Variants in KLF8 observed in about 807,000 individuals in gnomAD.
KLF8 encodes Krueppel-like factor 8.
KLF8 carries 10 observed loss-of-function variants against 18.2 expected under a neutral mutation model. The observed-to-expected ratio is 0.55, with a 90% confidence interval of 0.34 to 0.93. The LOEUF (loss-of-function observed/expected upper bound fraction) is 0.93, where lower values mean the gene tolerates loss of function less well. KLF8 is among the 40% of genes least tolerant of loss of function. The pLI is 0.02. For missense variants in KLF8, 264 were observed against 277.9 expected (o/e 0.95, Z 0.36); for synonymous variants, 109 against 97.3 (o/e 1.12, Z -0.71).
At chrX:56,202,201 A>G in the KLF8 span, among the ~76,000 whole-genome samples, 1 of 105,965 alleles carries the variant, frequency 9.4e-6, no homozygotes, top group South Asian at 4.1e-4. Flanking sequence ...TTGAGACCCT[A>G]CCTTTTTTTT....
At chrX:56,129,744 TTCTC>T in the KLF8 span, among the ~76,000 whole-genome samples, 13,720 of 111,152 alleles carry the variant, frequency 0.12, 1,526 homozygotes, top group African/African-American at 0.36. Context: ...CATGCTTTCT[TTCTC>T]AGCTGGCAGG....
chrX:56,024,578 C>G, the KLF8 span, among the ~76,000 whole-genome samples: 2 of 111,384 alleles, frequency 1.8e-5, no homozygotes, highest in African/African-American at 6.5e-5. Flanking sequence ...CCTGAGTGCA[C>G]AATTTCTGTC....
the KLF8 span, among the ~76,000 whole-genome samples, chrX:56,087,949 G>A: frequency 9.1e-6 from 1 of 110,069 alleles, no homozygotes; most frequent in Non-Finnish European, 1.9e-5. Flanking sequence ...TTCATCAGAT[G>A]TTGGATGAAG....
chrX:56,269,427 T>C lies in KLF8; in HGVS notation c.696T>C (p.Ser232=). The change falls in exon 4 of 6, where the codon AGT becomes AGC. Residue 232 remains serine (S), a synonymous_variant. Transcript: ENST00000468660. ...SMSPLEIPSD[S]EESTIESGSS... is the part of the protein sequence containing the mutation. ...CTCCACTGGAAATTCCAAGTGACAG[T>C]GAGGAGAGTACAATTGAGAGTGGAT... 1 of 1,209,232 alleles carries C rather than the reference T, an allele frequency of 8.3e-7. No homozygotes were observed. The highest frequency in any genetic ancestry group is 1.1e-6 in the Non-Finnish European group (1 of 894,505).
the KLF8 span, among the ~76,000 whole-genome samples, chrX:56,125,172 T>A: frequency 8.9e-6 from 1 of 111,999 alleles, no homozygotes; most frequent in Non-Finnish European, 1.9e-5. Flanking sequence ...AGAACAGATG[T>A]AGCAGACATG....
chrX:55,958,860 A>G, the KLF8 span, among the ~76,000 whole-genome samples: 4 of 112,457 alleles, frequency 3.6e-5, no homozygotes, highest in African/African-American at 1.3e-4. Flanking sequence ...CTTCTGGTGC[A>G]TGCATCAGGC....
chrX:56,051,131 C>G, the KLF8 span, among the ~76,000 whole-genome samples: 1 of 111,125 alleles, frequency 9.0e-6, no homozygotes, highest in African/African-American at 3.3e-5. Flanking sequence ...GTAGATCTTC[C>G]TCCATCCTTT....
At chrX:56,046,074 A>T in the KLF8 span, among the ~76,000 whole-genome samples, 1 of 65,322 alleles carries the variant, frequency 1.5e-5, no homozygotes, top group African/African-American at 3.4e-5. Flanking sequence ...GGATTTTGTC[A>T]CATGTTTTTT....
the KLF8 span, among the ~76,000 whole-genome samples, chrX:56,000,102 T>C: frequency 1.8e-5 from 2 of 111,991 alleles, no homozygotes; most frequent in Admixed American, 9.5e-5. Context: ...AGGATGATCA[T>C]AGGCTTTTTG....
At chrX:56,135,876 G>A in the KLF8 span, among the ~76,000 whole-genome samples, 1 of 111,289 alleles carries the variant, frequency 9.0e-6, no homozygotes, top group African/African-American at 3.3e-5. Flanking sequence ...TAAGAGGAAT[G>A]TTTATACCAC....
chrX:55,992,601 A>T, the KLF8 span, among the ~76,000 whole-genome samples: 1 of 112,242 alleles, frequency 8.9e-6, no homozygotes, highest in Admixed American at 9.4e-5. Flanking sequence ...GTTCCATATG[A>T]ATTATAGAAT....
At chrX:56,010,245 C>G in the KLF8 span, among the ~76,000 whole-genome samples, 1 of 111,878 alleles carries the variant, frequency 8.9e-6, no homozygotes, top group Non-Finnish European at 1.9e-5. Context: ...GGAAGCCCAT[C>G]AGATTAAAGG....
the KLF8 span, among the ~76,000 whole-genome samples, chrX:56,094,375 T>G: frequency 9.0e-6 from 1 of 111,331 alleles, no homozygotes; most frequent in African/African-American, 3.2e-5. Context: ...AAGACATGCA[T>G]TATATAATGA....
At chrX:55,928,211 G>C in the KLF8 span, among the ~76,000 whole-genome samples, 2 of 111,587 alleles carry the variant, frequency 1.8e-5, no homozygotes, top group Non-Finnish European at 3.8e-5. Context: ...TGGATTTTGG[G>C]TGAGAATACC....
the KLF8 span, among the ~76,000 whole-genome samples, chrX:55,949,986 A>G: frequency 9.0e-6 from 1 of 111,150 alleles, no homozygotes; most frequent in Non-Finnish European, 1.9e-5. Context: ...TAATATGCCA[A>G]TTATTATTAT....
the KLF8 span, among the ~76,000 whole-genome samples, chrX:56,149,080 G>T: frequency 8.9e-6 from 1 of 112,089 alleles, no homozygotes; most frequent in Non-Finnish European, 1.9e-5. Context: ...AATAGAAGCA[G>T]AAAGACCAGT....
At chrX:56,280,758 A>G (rs1335827677) in intron 5 of KLF8, among the ~76,000 whole-genome samples, 1 of 112,165 alleles carries the variant, frequency 8.9e-6, no homozygotes, top group Non-Finnish European at 1.9e-5. Flanking sequence ...TCCAGCATAT[A>G]GTGAATACTC....
chrX:55,929,912 T>C, the KLF8 span, among the ~76,000 whole-genome samples: 3 of 110,283 alleles, frequency 2.7e-5, no homozygotes, highest in African/African-American at 9.9e-5. Context: ...TTTTTAATTC[T>C]GTGAAGAAAG....
At chrX:56,230,580 T>C (rs183807582), upstream of KLF8, among the ~76,000 whole-genome samples, 23 of 111,433 alleles carry the variant, frequency 2.1e-4, no homozygotes, top group Non-Finnish European at 3.2e-4. Flanking sequence ...ATGAAACAAA[T>C]ACATATGCAT....
Sources: allele counts gnomAD v4.1 joint callset (sites outside exome capture counted in the v4.1 genomes callset), GRCh38; gene constraint gnomAD v4.1.1; transcripts MANE v1.5; gene names NCBI Gene and HGNC (gene_info 2026-07-23, HGNC 2026-07-21).